RAD54B: variants seen among roughly 807,000 people sequenced by gnomAD.
RAD54B encodes the protein RAD54 homolog B.
A neutral mutation model predicts 95.8 loss-of-function variants in RAD54B; 78 were observed. That is an observed-to-expected ratio of 0.81 (90% confidence interval 0.68 to 0.98). The LOEUF is 0.98. Ranked by LOEUF, RAD54B falls within the 50% of genes least tolerant of loss-of-function variation. The pLI, the probability that RAD54B is intolerant of heterozygous loss-of-function variation, is 0.00. For missense variants in RAD54B, 957 were observed against 1,056.6 expected (o/e 0.91, Z 1.31); for synonymous variants, 328 against 354.9 (o/e 0.92, Z 0.85).
intron 11 of RAD54B, among the ~76,000 whole-genome samples, chr8:94,385,367 TA>T (rs537566769): frequency 3.1e-4 from 44 of 141,814 alleles, no homozygotes; most frequent in East Asian, 5.9e-4. Context: ...AAAGTCCAGT[TA>T]AAAAAAAAAA....
intron 10 of RAD54B, among the ~76,000 whole-genome samples, chr8:94,389,235 G>A (rs969621274): frequency 3.3e-5 from 5 of 152,196 alleles, no homozygotes; most frequent in Admixed American, 6.5e-5. Flanking sequence ...GATTATAGGC[G>A]TGAGCCACCG....
chr8:94,449,694 A>C (rs1339894131), intron 3 of RAD54B, among the ~76,000 whole-genome samples: 1 of 151,966 alleles, frequency 6.6e-6, no homozygotes, highest in Non-Finnish European at 1.5e-5. Context: ...CCTGGATAAC[A>C]CCTCAGTAGT....
intron 3 of RAD54B, among the ~76,000 whole-genome samples, chr8:94,423,518 A>G (rs1436478704): frequency 6.6e-6 from 1 of 152,240 alleles, no homozygotes; most frequent in Admixed American, 6.5e-5. Context: ...ATGTTCTTTC[A>G]TAACCATAAT....
At chr8:94,384,140 A>G (rs1217343945) in intron 11 of RAD54B, among the ~76,000 whole-genome samples, 3 of 152,120 alleles carry the variant, frequency 2.0e-5, no homozygotes, top group Non-Finnish European at 4.4e-5. Context: ...ATAAAAATAT[A>G]TCTATAAATT....
At chr8:94,431,985 T>C in intron 3 of RAD54B, 5 of 1,303,892 alleles carry the variant, frequency 3.8e-6, no homozygotes, top group African/African-American at 1.5e-5. Context: ...CAAAAGAAAA[T>C]AATTAGAAAA....
Position 94,371,979 on chromosome 8 carries a change from C to A in RAD54B, c.*191G>T. The A allele has an allele frequency of 1.0e-6, 1 of 973,798 alleles. No homozygotes were observed. Among genetic ancestry groups the A allele is most frequent in the South Asian group, 2.3e-5 (1 of 43,410 alleles). The allele number at this position is 973,798 out of a possible 1,614,324, so 60.3% of individuals were successfully genotyped here. A position where few individuals can be genotyped will look rare whatever the true frequency, so the allele number is the denominator to read the frequency against. On this transcript the variant is annotated 3_prime_UTR_variant, in exon 15 of 15. Transcript: ENST00000336148. ...CAATTATACAATGATATAAGCACAT[C>A]TTTATTTTTCATTTAAACACTTAAT... is the stretch of plus-strand genomic sequence containing the variant.
At chr8:94,391,026 AT>A (rs1207063130) in intron 10 of RAD54B, among the ~76,000 whole-genome samples, 1 of 152,126 alleles carries the variant, frequency 6.6e-6, no homozygotes, top group East Asian at 1.9e-4. Flanking sequence ...AAAGTTTTGA[AT>A]TTTGGAGCAT....
intron 3 of RAD54B, among the ~76,000 whole-genome samples, chr8:94,414,885 GA>G (rs1394846303): frequency 6.6e-6 from 1 of 152,084 alleles, no homozygotes; most frequent in Non-Finnish European, 1.5e-5. Flanking sequence ...ACAAATGGAA[GA>G]ACATTCCATG....
rs191831364 is a variant in RAD54B at position 94,431,636 on chromosome 8, T to C, written c.305-20321A>G. ...AAACTGCAGAGATGGAAAAAAAGTG[T>C]TCTCCAAATATCTTCCATCTCTAAA... On this transcript the variant is annotated intron_variant, in intron 3 of 14. Transcript: ENST00000336148. 7 of 947,226 alleles carry C rather than the reference T, an allele frequency of 7.4e-6. No individual in the cohort carries two copies. In the East Asian group the frequency reaches 8.1e-4, roughly 110 times the overall value. The allele number at this position is 947,226 out of a possible 1,614,324, so 58.7% of individuals were successfully genotyped here.
chr8:94,393,701 C>T (rs1811073896), intron 9 of RAD54B, 42 bp downstream of exon 9: 1 of 1,494,480 alleles, frequency 6.7e-7, no homozygotes, highest in Non-Finnish European at 9.1e-7. Flanking sequence ...TTTCCTCAGA[C>T]ATACGGCTTT....
intron 3 of RAD54B, chr8:94,432,453 G>A (rs1287680475): frequency 9.0e-6 from 14 of 1,550,458 alleles, no homozygotes; most frequent in South Asian, 1.2e-5. Context: ...AAGTGAAGGC[G>A]ACAAGGATCT....
At chr8:94,395,960 A>C (rs1487263266) in intron 8 of RAD54B, among the ~76,000 whole-genome samples, 2 of 152,136 alleles carry the variant, frequency 1.3e-5, no homozygotes, top group Non-Finnish European at 2.9e-5. Context: ...ATCTGTTACC[A>C]GCATCTGAAA....
At chr8:94,381,930 G>C (rs1043191795) in intron 11 of RAD54B, among the ~76,000 whole-genome samples, 5 of 151,990 alleles carry the variant, frequency 3.3e-5, no homozygotes, top group Non-Finnish European at 7.4e-5. Flanking sequence ...TGGCTAACAC[G>C]GTGAAACCCC....
intron 6 of RAD54B, among the ~76,000 whole-genome samples, chr8:94,401,392 A>G (rs1811266120): frequency 6.6e-6 from 1 of 152,092 alleles, no homozygotes; most frequent in Non-Finnish European, 1.5e-5. Context: ...GAGCTTTATG[A>G]TGATCCATTT....
intron 3 of RAD54B, chr8:94,432,595 G>A (rs1812135646): frequency 3.9e-6 from 6 of 1,550,042 alleles, no homozygotes; most frequent in Non-Finnish European, 4.4e-6. Context: ...GCAACAGGAT[G>A]GTGATCCAAC....
At chr8:94,445,839 A>G (rs542330960) in intron 3 of RAD54B, among the ~76,000 whole-genome samples, 2 of 152,126 alleles carry the variant, frequency 1.3e-5, no homozygotes, top group Non-Finnish European at 2.9e-5. Flanking sequence ...GCTTAAGTAC[A>G]TTAATCTTAA....
intron 8 of RAD54B, among the ~76,000 whole-genome samples, chr8:94,398,010 T>C (rs1811187343): frequency 1.3e-5 from 2 of 152,108 alleles, no homozygotes; most frequent in Non-Finnish European, 2.9e-5. Flanking sequence ...CAGCCAAAGA[T>C]ATGAAAATCA....
chr8:94,382,489 C>CA lies in RAD54B; in HGVS notation c.1986-2084dup, dbSNP rs202162383. Among the ~76,000 whole-genome samples, 303 of 152,144 alleles carry CA rather than the reference C, an allele frequency of 2.0e-3. 10 individuals are homozygous for CA. In the East Asian group the frequency reaches 0.023, roughly 11 times the overall value. On this transcript the variant is annotated intron_variant, in intron 11 of 14. Coordinates refer to ENST00000336148, the MANE Select transcript of RAD54B (RefSeq NM_012415.3). ...AGACAGTTTCAGATGTACAAGAAGT[C>CA]AAAAAGATTAATCTCCCATCTTTCT...
chr8:94,379,556 T>A (rs1174699767), intron 12 of RAD54B, among the ~76,000 whole-genome samples: 1 of 152,212 alleles, frequency 6.6e-6, no homozygotes, highest in Non-Finnish European at 1.5e-5. Context: ...GTAACATAAC[T>A]GTGAGTATAG....
Sources: gnomAD v4.1 joint callset for allele counts (sites outside exome capture counted in the v4.1 genomes callset) on GRCh38, gnomAD v4.1.1 for gene constraint, MANE v1.5 for transcripts, NCBI Gene and HGNC (gene_info 2026-07-23, HGNC 2026-07-21) for gene names.